The following PEBP4 variants were observed in gnomAD, a reference collection of about 807,000 sequenced individuals.
PEBP4 encodes the protein phosphatidylethanolamine binding protein 4.
PEBP4 carries 22 observed loss-of-function variants against 23.9 expected under a neutral mutation model. The ratio of observed to expected loss-of-function variants is 0.92; its 90% CI spans 0.66 to 1.31. The LOEUF (loss-of-function observed/expected upper bound fraction) is 1.31, where lower values mean the gene tolerates loss of function less well. Among genes scored for constraint, PEBP4 ranks in the 40% most tolerant of loss-of-function variants. The pLI, the probability that PEBP4 is intolerant of heterozygous loss-of-function variation, is 0.00. For missense variants in PEBP4, 324 were observed against 281.7 expected, an observed-to-expected ratio of 1.15 and a Z score of -1.07; for synonymous variants, 112 against 99.3, an observed-to-expected ratio of 1.13 and a Z score of -0.76.
intron 4 of PEBP4, 68 bp downstream of exon 4, chr8:22,817,569 C>T: frequency 1.4e-6 from 2 of 1,418,640 alleles, no homozygotes; most frequent in Non-Finnish European, 2.0e-6. Context: ...GAGGTGGGAA[C>T]TGCACTGAAT....
intron 4 of PEBP4, among the ~76,000 whole-genome samples, chr8:22,762,551 A>G (rs1368498932): frequency 6.6e-6 from 1 of 152,174 alleles, no homozygotes; most frequent in African/African-American, 2.4e-5. Context: ...TGAAGAAAGG[A>G]AAAAGCCAAG....
At chr8:22,782,171 G>A (rs748087646) in intron 4 of PEBP4, among the ~76,000 whole-genome samples, 19 of 152,306 alleles carry the variant, frequency 1.2e-4, no homozygotes, top group Non-Finnish European at 1.2e-4. Context: ...CGGGCTGGGT[G>A]CCAGAAACAC....
At chr8:22,872,606 A>G (rs1368184037) in intron 3 of PEBP4, among the ~76,000 whole-genome samples, 3 of 152,220 alleles carry the variant, frequency 2.0e-5, no homozygotes, top group Non-Finnish European at 4.4e-5. Flanking sequence ...TGATGAAGGC[A>G]CTGCCTTCAA....
chr8:22,835,487 A>G (rs1509814), intron 3 of PEBP4, among the ~76,000 whole-genome samples: 101,008 of 152,052 alleles, frequency 0.66, 33,971 homozygotes, highest in East Asian at 0.87. Flanking sequence ...TGCACATGGA[A>G]ACACAGCATC....
intron 6 of PEBP4, among the ~76,000 whole-genome samples, chr8:22,717,920 C>T (rs533616327): frequency 2.4e-4 from 37 of 152,214 alleles, no homozygotes; most frequent in Admixed American, 1.4e-3. Flanking sequence ...AGCACTGATA[C>T]CTTTCTGCCG....
intron 4 of PEBP4, among the ~76,000 whole-genome samples, chr8:22,762,817 T>C (rs1805537203): frequency 6.6e-6 from 1 of 152,198 alleles, no homozygotes; most frequent in Non-Finnish European, 1.5e-5. Context: ...CAAGGATTCC[T>C]GGCTGAAAGG....
At chr8:22,714,837 TGAC>T (rs1804381119) in intron 6 of PEBP4, among the ~76,000 whole-genome samples, 1 of 152,184 alleles carries the variant, frequency 6.6e-6, no homozygotes, top group African/African-American at 2.4e-5. Flanking sequence ...CAGAGGCTGC[TGAC>T]ATTTCAAAGA....
intron 3 of PEBP4, among the ~76,000 whole-genome samples, chr8:22,918,486 C>G (rs908576519): frequency 6.6e-6 from 1 of 152,144 alleles, no homozygotes; most frequent in African/African-American, 2.4e-5. Context: ...GCCAGGGCAA[C>G]GAAACCAAAT....
At chr8:22,815,149 A>T (rs1474836131) in intron 4 of PEBP4, 2 of 152,218 alleles carry the variant, frequency 1.3e-5, no homozygotes, top group East Asian at 1.9e-4. Context: ...TCTATTTCAC[A>T]AAGTGGTGTT....
intron 3 of PEBP4, among the ~76,000 whole-genome samples, chr8:22,877,754 G>A (rs542064296): frequency 4.5e-4 from 68 of 152,092 alleles, no homozygotes; most frequent in Non-Finnish European, 9.0e-4. Context: ...ACAGCTTCTC[G>A]CTGTCGCTCG....
intron 3 of PEBP4, 119 bp from the exon 4 acceptor site, chr8:22,817,854 C>T: frequency 1.2e-6 from 1 of 838,344 alleles, no homozygotes; most frequent in East Asian, 2.5e-5. Context: ...CCTATGGCGT[C>T]CCATCCAGTT....
At chr8:22,717,336 C>T (rs1477587838) in intron 6 of PEBP4, among the ~76,000 whole-genome samples, 2 of 152,244 alleles carry the variant, frequency 1.3e-5, no homozygotes, top group Non-Finnish European at 2.9e-5. Context: ...TGCACCTAGA[C>T]AGGCCCACTC....
chr8:22,837,725 A>G (rs1442989615), intron 3 of PEBP4, among the ~76,000 whole-genome samples: 2 of 151,880 alleles, frequency 1.3e-5, no homozygotes, highest in African/African-American at 2.4e-5. Flanking sequence ...GACTCATCTC[A>G]TCTATGAATA....
chr8:22,920,223 G>A lies in PEBP4; in HGVS notation c.219C>T (p.Ser73=), dbSNP rs752802580. The change falls in exon 3 of 7, where the codon TCC becomes TCT. Residue 73 remains serine (S), a synonymous_variant. Coordinates refer to ENST00000256404, the MANE Select transcript of PEBP4 (RefSeq NM_144962.3). ...GGAACTTGACTATCGGCTCCATCCA[G>A]GAGGTGATCTTCTGTCTGTAGTTGT... is the stretch of plus-strand genomic sequence containing the variant. ...DCNNYRQKIT[S]WMEPIVKFPG... The A allele has an allele frequency of 1.2e-6, 2 of 1,613,530 alleles. No homozygotes were observed. Among genetic ancestry groups the A allele is most frequent in the Non-Finnish European group, 1.7e-6 (2 of 1,179,640 alleles).
At chr8:22,724,808 C>T (rs756928756) in intron 6 of PEBP4, 35 bp downstream of exon 6, 3 of 1,529,762 alleles carry the variant, frequency 2.0e-6, no homozygotes, top group South Asian at 1.1e-5. Flanking sequence ...CCAGAATTCA[C>T]CCCGGTGGTG....
In PEBP4 at chr8:22,778,308, T is replaced by C. The variant is rs143430389; in HGVS notation, c.357+39329A>G. ...GTGGACAGATCCATGTGCTTCCATG[T>C]GAGACTGGATCCTGTTGCCCGGAAG... On this transcript the variant is annotated intron_variant, in intron 4 of 6. Transcript: ENST00000256404. Among the ~76,000 whole-genome samples, 982 of 152,062 alleles carry C rather than the reference T, an allele frequency of 6.5e-3. 6 individuals carry two copies. Among genetic ancestry groups the C allele is most frequent in the African/African-American group, 0.023 (945 of 41,466 alleles).
intron 3 of PEBP4, among the ~76,000 whole-genome samples, chr8:22,909,853 C>T (rs997732620): frequency 3.3e-5 from 5 of 152,210 alleles, no homozygotes; most frequent in African/African-American, 1.2e-4. Flanking sequence ...TCATAAAGTG[C>T]TTAGCACAGA....
rs1449586325 is a variant in PEBP4, at chr8:22,819,464, G to A, written c.259-1729C>T. ...GGCTGGAATAGGCTGAGCTGAGATGGGAGACGAGGAATTGGAGATAGCTGT... is the reference window on the plus strand; with the variant it reads ...GGCTGGAATAGGCTGAGCTGAGATGAGAGACGAGGAATTGGAGATAGCTGT... On this transcript the variant is annotated intron_variant, in intron 3 of 6. Coordinates refer to ENST00000256404, the MANE Select transcript of PEBP4 (RefSeq NM_144962.3). Among the ~76,000 whole-genome samples the A allele has an allele frequency of 2.6e-5, 4 of 152,330 alleles. No homozygotes were observed. In the East Asian group the frequency reaches 7.7e-4, roughly 29 times the overall value.
At chr8:22,736,114 C>G (rs905084019) in intron 4 of PEBP4, among the ~76,000 whole-genome samples, 1 of 152,050 alleles carries the variant, frequency 6.6e-6, no homozygotes, top group African/African-American at 2.4e-5. Flanking sequence ...TCCTGCTTGG[C>G]GAAACTTGCC....
Sources: allele counts gnomAD v4.1 joint callset (sites outside exome capture counted in the v4.1 genomes callset), GRCh38; gene constraint gnomAD v4.1.1; transcripts MANE v1.5; gene names NCBI Gene and HGNC (gene_info 2026-07-23, HGNC 2026-07-21).